APBA1: variants seen among roughly 807,000 people sequenced by gnomAD.
The protein encoded by APBA1 is amyloid-beta A4 precursor protein-binding family A member 1.
Under a neutral mutation model 86.6 loss-of-function variants are expected in APBA1, and 55 were observed. The observed-to-expected ratio is 0.64, with a 90% CI of 0.51 to 0.80. The LOEUF is 0.80. APBA1 is among the 30% of genes least tolerant of loss of function. APBA1 has a pLI of 0.00. For synonymous variants in APBA1, 511 were observed against 493.9 expected (o/e 1.03, Z -0.46); for missense variants, 1,090 against 1,183.0 (o/e 0.92, Z 1.15).
chr9:69,672,578 T>G (rs1487900429), upstream of APBA1, among the ~76,000 whole-genome samples: 1 of 149,142 alleles, frequency 6.7e-6, no homozygotes, highest in African/African-American at 2.4e-5. Flanking sequence ...GCGGCACCGC[T>G]GATGTCCTCC....
At chr9:69,591,269 C>A (rs1237777665) in intron 1 of APBA1, among the ~76,000 whole-genome samples, 3 of 152,180 alleles carry the variant, frequency 2.0e-5, no homozygotes, top group Non-Finnish European at 4.4e-5. Flanking sequence ...CTGAATCTAG[C>A]CTTCCCCTGT....
At chr9:69,439,425 T>A (rs1021624359) in intron 11 of APBA1, among the ~76,000 whole-genome samples, 1 of 152,172 alleles carries the variant, frequency 6.6e-6, no homozygotes, top group Non-Finnish European at 1.5e-5. Flanking sequence ...CAATCAGACG[T>A]AGATTTGGTC....
chr9:69,613,605 A>G (rs920541670), intron 1 of APBA1, among the ~76,000 whole-genome samples: 5 of 152,080 alleles, frequency 3.3e-5, no homozygotes, highest in Admixed American at 2.6e-4. Flanking sequence ...CAGCTCCTGT[A>G]ATTTTTTTAT....
intron 1 of APBA1, among the ~76,000 whole-genome samples, chr9:69,642,092 A>G (rs1823299286): frequency 6.6e-6 from 1 of 152,228 alleles, no homozygotes; most frequent in Non-Finnish European, 1.5e-5. Context: ...CAAAAAATGT[A>G]CAAACTATAA....
At chr9:69,463,192 G>C (rs557082179) in intron 5 of APBA1, 1 of 152,106 alleles carries the variant, frequency 6.6e-6, no homozygotes, top group Non-Finnish European at 1.5e-5. Context: ...AAATTTCAGA[G>C]CCCTCAGCTT....
chr9:69,631,819 T>C (rs540378615), intron 1 of APBA1, among the ~76,000 whole-genome samples: 6,608 of 152,160 alleles, frequency 0.043, 191 homozygotes, highest in African/African-American at 0.073. Flanking sequence ...GAAAACCAAA[T>C]GCCGCATGTT....
intron 8 of APBA1, among the ~76,000 whole-genome samples, chr9:69,455,013 C>G (rs748420438): frequency 1.3e-5 from 2 of 152,134 alleles, no homozygotes; most frequent in African/African-American, 4.8e-5. Context: ...AAGATGGTGA[C>G]AGTAAGTGTT....
At chr9:69,512,436 G>T (rs911082844) in intron 2 of APBA1, among the ~76,000 whole-genome samples, 3 of 152,188 alleles carry the variant, frequency 2.0e-5, no homozygotes, top group African/African-American at 7.2e-5. Context: ...AACGGTGGCT[G>T]ACAAATGGCA....
intron 1 of APBA1, among the ~76,000 whole-genome samples, chr9:69,559,961 C>A (rs1292217343): frequency 1.3e-5 from 2 of 152,180 alleles, no homozygotes; most frequent in Non-Finnish European, 2.9e-5. Context: ...GCCCCCACAC[C>A]AGTATACCAG....
intron 7 of APBA1, among the ~76,000 whole-genome samples, chr9:69,456,740 T>G (rs899252566): frequency 6.6e-6 from 1 of 152,204 alleles, no homozygotes; most frequent in Non-Finnish European, 1.5e-5. Flanking sequence ...TTTCTGTTTT[T>G]GTGTGCGTGA....
chr9:69,510,631 AG>A (rs1377576561), intron 2 of APBA1, among the ~76,000 whole-genome samples: 1 of 141,998 alleles, frequency 7.0e-6, no homozygotes, highest in Admixed American at 7.2e-5. Context: ...CTAAGCCAAA[AG>A]AACAAAGCTG....
At position 69,516,540 on chromosome 9, in the gene APBA1, G is replaced by A. The variant is rs758109185; in HGVS notation, c.671C>T (p.Ala224Val). The stretch of plus-strand genomic sequence containing the variant: ...GCCCAGGGCCTCCTGGCGGTACGCG[G>A]CCGCCTCGTCGCGCTCCTGCTCGTA... Reference protein sequence around the residue: ...RLYEQERDEAAAYRQEALGAR... With the variant: ...RLYEQERDEAVAYRQEALGAR... The change falls in exon 2 of 13, where the codon GCC becomes GTC. Residue 224 changes from alanine (A) to valine (V), a missense_variant. Ala to Val is a moderately conservative substitution (Grantham distance 64). Transcript: ENST00000265381. This position sits in a 1 kb window ranked among gnomAD's most constrained non-coding sequence, Gnocchi z 7.3. 5.6e-6 allele frequency: 9 copies of A among 1,595,294 alleles called. No individual in the cohort carries two copies. In the Admixed American group the frequency reaches 1.2e-4, roughly 21 times the overall value.
chr9:69,575,289 A>G (rs1332294167), intron 1 of APBA1, among the ~76,000 whole-genome samples: 1 of 152,194 alleles, frequency 6.6e-6, no homozygotes, highest in Non-Finnish European at 1.5e-5. Context: ...GCCCAAGGTA[A>G]TTTATAGATT....
rs145633351 is a variant in APBA1 at position 69,600,237 on chromosome 9, G to A, written c.-70+71916C>T. Among the ~76,000 whole-genome samples, 29 of 152,260 alleles carry A rather than the reference G, an allele frequency of 1.9e-4. No individual in the cohort carries two copies. In the East Asian group the frequency reaches 2.1e-3, roughly 11 times the overall value. On this transcript the variant is annotated intron_variant, in intron 1 of 12. Coordinates refer to ENST00000265381, the MANE Select transcript of APBA1 (RefSeq NM_001163.4). ...TAGGCTGTGGCCAAAAACAATTTCC[G>A]CTGACTATGGTGATGGCGATTCTGC...
chr9:69,627,698 C>G (rs1822960635), intron 1 of APBA1, among the ~76,000 whole-genome samples: 1 of 152,160 alleles, frequency 6.6e-6, no homozygotes, highest in African/African-American at 2.4e-5. Flanking sequence ...CTGTTTAACT[C>G]CATTATCCTC....
At chr9:69,444,423 C>T (rs1415945305) in intron 10 of APBA1, among the ~76,000 whole-genome samples, 1 of 152,210 alleles carries the variant, frequency 6.6e-6, no homozygotes, top group African/African-American at 2.4e-5. Context: ...GAAGAGGACT[C>T]TTGTGGTGTC....
At chr9:69,659,729 G>A (rs952918732) in intron 1 of APBA1, among the ~76,000 whole-genome samples, 1 of 152,102 alleles carries the variant, frequency 6.6e-6, no homozygotes, top group Non-Finnish European at 1.5e-5. Context: ...TTTTAACACT[G>A]GCTTAAAATT....
intron 11 of APBA1, 66 bp downstream of exon 11, chr9:69,440,930 C>G (rs1202391929): frequency 2.5e-6 from 4 of 1,575,222 alleles, no homozygotes; most frequent in East Asian, 2.2e-5. Context: ...GGCTCCACCC[C>G]CCCAGCCATG....
chr9:69,549,564 G>T (rs1194129296), intron 1 of APBA1, among the ~76,000 whole-genome samples: 2 of 152,118 alleles, frequency 1.3e-5, no homozygotes, highest in Non-Finnish European at 2.9e-5. Flanking sequence ...TCTCAAGTTC[G>T]TCTACGACTT....
Sources: gnomAD v4.1 joint callset for allele counts (sites outside exome capture counted in the v4.1 genomes callset) on GRCh38, gnomAD v4.1.1 for gene constraint, Gnocchi (gnomAD v3.1) non-coding constraint, MANE v1.5 for transcripts, NCBI Gene and HGNC (gene_info 2026-07-23, HGNC 2026-07-21) for gene names.